The following ADAMTS20 variants were observed in gnomAD, a reference collection of about 807,000 sequenced individuals.
The protein encoded by ADAMTS20 is A disintegrin and metalloproteinase with thrombospondin motifs 20.
A neutral mutation model predicts 260.1 loss-of-function variants in ADAMTS20; 225 were observed. That is an observed-to-expected ratio of 0.87 (90% CI 0.78 to 0.97). ADAMTS20 has a LOEUF of 0.97. Among genes scored for constraint, ADAMTS20 ranks in the 50% least tolerant of loss-of-function variants. The probability of loss-of-function intolerance (pLI) is 0.00; values close to 1 mark genes in which losing one functional copy is unlikely to be tolerated. For synonymous variants in ADAMTS20, 802 were observed against 769.5 expected (o/e 1.04, Z -0.70); for missense variants, 2,400 against 2,337.7 (o/e 1.03, Z -0.55).
Position 43,376,083 on chromosome 12 carries a change from T to C in ADAMTS20, c.5286A>G (p.Glu1762=), listed in dbSNP as rs1280653675. The C allele has an allele frequency of 2.5e-6, 4 of 1,610,570 alleles. No homozygotes were observed. Among genetic ancestry groups the C allele is most frequent in the East Asian group, 4.5e-5 (2 of 44,776 alleles). Residue 1762 remains glutamate, a synonymous_variant, in exon 35 of 39, where the codon GAA becomes GAG. Transcript: ENST00000389420. The stretch of plus-strand genomic sequence containing the variant: ...TAAAGCCATACACTTCAGAAAAGTT[T>C]TCTTCACCTTGGACCAGTGTTAAAT... The part of the protein sequence containing the change: ...KEYLTLVQGE[E]NFSEVYGFRL...
At chr12:43,398,867 C>G (rs1234002351) in intron 29 of ADAMTS20, among the ~76,000 whole-genome samples, 199 bp downstream of exon 29, 1 of 151,930 alleles carries the variant, frequency 6.6e-6, no homozygotes, top group African/African-American at 2.4e-5. Context: ...AATCAAATGA[C>G]TAATTTATTA....
intron 2 of ADAMTS20, among the ~76,000 whole-genome samples, chr12:43,533,424 G>T (rs865930441): frequency 7.6e-6 from 1 of 131,202 alleles, no homozygotes; most frequent in Admixed American, 7.8e-5. Flanking sequence ...TACAAGGGAT[G>T]TGAAGGACCT....
chr12:43,438,989 A>C (rs1363689504), intron 18 of ADAMTS20, among the ~76,000 whole-genome samples: 1 of 152,214 alleles, frequency 6.6e-6, no homozygotes, highest in Non-Finnish European at 1.5e-5. Flanking sequence ...CTTATTAATA[A>C]TCTGAGCATA....
intron 8 of ADAMTS20, among the ~76,000 whole-genome samples, chr12:43,467,630 G>A (rs1379125035): frequency 1.3e-5 from 2 of 151,984 alleles, no homozygotes; most frequent in Non-Finnish European, 2.9e-5. Context: ...AGCACATAGT[G>A]CCACCCAGAT....
intron 3 of ADAMTS20, among the ~76,000 whole-genome samples, chr12:43,512,764 CAT>C (rs1182287882): frequency 4.6e-5 from 7 of 152,110 alleles, no homozygotes; most frequent in African/African-American, 1.7e-4. Context: ...AACATAGAGA[CAT>C]GTGACACAGA....
chr12:43,531,905 T>C (rs1282647138), intron 3 of ADAMTS20, 131 bp downstream of exon 3: 2 of 652,538 alleles, frequency 3.1e-6, no homozygotes, highest in Admixed American at 4.5e-5. Context: ...TACACAATTT[T>C]TATTTCTGAA....
chr12:43,520,473 A>C (rs922054556), intron 3 of ADAMTS20, among the ~76,000 whole-genome samples: 2 of 152,204 alleles, frequency 1.3e-5, no homozygotes, highest in Non-Finnish European at 2.9e-5. Flanking sequence ...GAAAAGAAGC[A>C]AAGTTAAAAG....
intron 2 of ADAMTS20, among the ~76,000 whole-genome samples, chr12:43,532,799 G>A (rs1404679407): frequency 1.7e-4 from 9 of 52,556 alleles, no homozygotes; most frequent in East Asian, 1.1e-3. Flanking sequence ...GTGAGAATAT[G>A]CGGTGTTTGG....
Position 43,439,720 on chromosome 12 carries a change from T to A in ADAMTS20, c.2495A>T (p.Asp832Val). The A allele has an allele frequency of 6.2e-7, 1 of 1,613,488 alleles. No homozygotes were observed. The highest frequency in any genetic ancestry group is 8.5e-7 in the Non-Finnish European group (1 of 1,179,622). ...VLCVGNLYNP[D>V]VHYSFNIPLE... Reference sequence around the variant, plus strand: ...AGGGATATTGAAGGAATAATGTACATCAGGGTTGTATAAATTACCCACACA... The same window carrying A: ...AGGGATATTGAAGGAATAATGTACAACAGGGTTGTATAAATTACCCACACA... Residue 832 changes from aspartate (D) to valine (V), a missense_variant, in exon 18 of 39, where the codon GAT (aspartate) becomes GTT (valine). Physicochemically the swap from Asp to Val is radical, Grantham distance 152. Transcript: ENST00000389420.
chr12:43,551,197 G>C lies in ADAMTS20; in HGVS notation c.165C>G (p.Phe55Leu). ...PERVNEFGEV[F>L]PQSHHFSRQK... ...GCCGGCTGAAGTGGTGGCTCTGAGG[G>C]AACACTTCTCCAAACTCATTGACCC... The change falls in exon 2 of 39, where the codon TTC becomes TTG. Residue 55 changes from phenylalanine (F) to leucine (L), a missense_variant. Coordinates refer to ENST00000389420, the MANE Select transcript of ADAMTS20 (RefSeq NM_025003.5). This position sits in a 1 kb window ranked among gnomAD's most constrained non-coding sequence, Gnocchi z 4.6. The C allele has an allele frequency of 6.2e-7, 1 of 1,613,888 alleles. No homozygotes were observed. Among genetic ancestry groups the C allele is most frequent in the South Asian group, 1.1e-5 (1 of 91,074 alleles).
In ADAMTS20 at chr12:43,505,198, T is replaced by C. The variant is rs530632036; in HGVS notation, c.614-2793A>G. Among the ~76,000 whole-genome samples, 32 of 152,142 alleles carry C rather than the reference T, an allele frequency of 2.1e-4. 1 individual carries two copies. Among genetic ancestry groups the C allele is most frequent in the African/African-American group, 7.0e-4 (29 of 41,522 alleles). On this transcript the variant is annotated intron_variant, in intron 3 of 38. Coordinates refer to ENST00000389420, the MANE Select transcript of ADAMTS20 (RefSeq NM_025003.5). ...ATATTAAAACTCCTAGAAGAAAACA[T>C]AGAGAAAGTGTTTCATAACATTGGA... is the stretch of plus-strand genomic sequence containing the variant.
chr12:43,492,177 G>T (rs1003652443), intron 6 of ADAMTS20, among the ~76,000 whole-genome samples: 2 of 152,088 alleles, frequency 1.3e-5, no homozygotes, highest in East Asian at 3.9e-4. Context: ...TCAGGAGATC[G>T]AGACCATCCT....
At chr12:43,503,915 A>T (rs1942803972) in intron 3 of ADAMTS20, among the ~76,000 whole-genome samples, 1 of 152,142 alleles carries the variant, frequency 6.6e-6, no homozygotes, top group Admixed American at 6.6e-5. Flanking sequence ...TGACTACATA[A>T]TATTCCATAG....
At chr12:43,525,609 A>G (rs565735440) in intron 3 of ADAMTS20, among the ~76,000 whole-genome samples, 2 of 152,322 alleles carry the variant, frequency 1.3e-5, no homozygotes, top group East Asian at 3.9e-4. Flanking sequence ...CACAAACCAA[A>G]TATCTACTGT....
At position 43,355,889 on chromosome 12, in the gene ADAMTS20, A is replaced by G. The variant is rs550730856; in HGVS notation, c.5643+595T>C. 1.7e-4 allele frequency among the ~76,000 whole-genome samples: 26 copies of G among 152,188 alleles called. 1 individual carries two copies. Among genetic ancestry groups the G allele is most frequent in the African/African-American group, 3.8e-4 (16 of 41,578 alleles). ...ACTATAAAAATAGTTATAACTATAT[A>G]TATAAATACTACATAACAGTCTACA... On this transcript the variant is annotated intron_variant, in intron 38 of 38. Transcript: ENST00000389420.
At position 43,452,403 on chromosome 12, in the gene ADAMTS20, T is replaced by C. The variant is rs1248890493; in HGVS notation, c.1950A>G (p.Thr650=). ...RWLPRYSGIG[T]KDRCKLYCQV... ...GACAATAGAGTTTACAACGATCCTT[T>C]GTGCCAACTGTAAAAAAGAAAAAGG... The change falls in exon 14 of 39, where the codon ACA becomes ACG. Residue 650 remains threonine, a synonymous_variant. Transcript: ENST00000389420. 6 of 1,608,902 alleles carry C rather than the reference T, an allele frequency of 3.7e-6. No individual in the cohort carries two copies. Among genetic ancestry groups the C allele is most frequent in the Non-Finnish European group, 5.1e-6 (6 of 1,178,582 alleles).
intron 28 of ADAMTS20, among the ~76,000 whole-genome samples, chr12:43,404,462 A>C (rs1458085254): frequency 6.6e-6 from 1 of 152,186 alleles, no homozygotes; most frequent in Non-Finnish European, 1.5e-5. Flanking sequence ...TTTTAGCTAT[A>C]AAAATCCCTC....
At chr12:43,356,453 C>A in intron 38 of ADAMTS20, 31 bp downstream of exon 38, 3 of 1,454,894 alleles carry the variant, frequency 2.1e-6, no homozygotes, top group Non-Finnish European at 2.8e-6. Context: ...AGAAGTATTT[C>A]AAACAGGCTT....
chr12:43,431,609 A>G, intron 21 of ADAMTS20, 113 bp from the exon 22 acceptor site: 1 of 1,306,624 alleles, frequency 7.7e-7, no homozygotes. Flanking sequence ...ACCATTCCCA[A>G]ATGCATTTTC....
Sources: allele counts gnomAD v4.1 joint callset (sites outside exome capture counted in the v4.1 genomes callset), GRCh38; gene constraint gnomAD v4.1.1; non-coding constraint Gnocchi (gnomAD v3.1); transcripts MANE v1.5; gene names NCBI Gene and HGNC (gene_info 2026-07-23, HGNC 2026-07-21).